Variants in PHACTR1 observed in about 807,000 individuals in gnomAD.
The protein encoded by PHACTR1 is phosphatase and actin regulator 1.
PHACTR1 carries 16 observed loss-of-function variants against 69.2 expected under a neutral mutation model. The ratio of observed to expected loss-of-function variants is 0.23; its 90% CI spans 0.16 to 0.35. The LOEUF (loss-of-function observed/expected upper bound fraction) is 0.35, where lower values mean the gene tolerates loss of function less well. Ranked by LOEUF, PHACTR1 falls within the 10% of genes least tolerant of loss-of-function variation. PHACTR1 has a pLI of 1.00. For missense variants in PHACTR1, 510 were observed against 734.7 expected (o/e 0.69, Z 3.54); for synonymous variants, 312 against 284.5 (o/e 1.10, Z -0.97).
intron 5 of PHACTR1, among the ~76,000 whole-genome samples, chr6:13,093,885 A>G (rs1202923799): frequency 3.9e-5 from 6 of 152,030 alleles, no homozygotes; most frequent in Admixed American, 2.0e-4. Context: ...TTTTCTTTTT[A>G]TTTTGAGACA....
intron 11 of PHACTR1, 88 bp downstream of exon 11, chr6:13,273,003 G>A (rs561421071): frequency 3.2e-6 from 5 of 1,550,540 alleles, no homozygotes; most frequent in South Asian, 1.2e-5. Context: ...TCTACCTTGC[G>A]CCTCTGCGGA....
chr6:12,736,509 G>C (rs1166461274), intron 3 of PHACTR1, among the ~76,000 whole-genome samples: 1 of 151,920 alleles, frequency 6.6e-6, no homozygotes, highest in Non-Finnish European at 1.5e-5. Context: ...TATCAATACT[G>C]TCCACAGTAT....
At chr6:12,893,930 G>A (rs147804641) in intron 4 of PHACTR1, among the ~76,000 whole-genome samples, 1 of 152,212 alleles carries the variant, frequency 6.6e-6, no homozygotes, top group African/African-American at 2.4e-5. Flanking sequence ...CTGAGCAGGG[G>A]CAAAGGAGAC....
At chr6:13,284,938 C>T (rs1257723409) in intron 13 of PHACTR1, among the ~76,000 whole-genome samples, 2 of 152,200 alleles carry the variant, frequency 1.3e-5, no homozygotes, top group African/African-American at 4.8e-5. Context: ...ACAGCATTCA[C>T]ATCTTCTCTG....
intron 6 of PHACTR1, among the ~76,000 whole-genome samples, chr6:13,172,473 G>GA (rs1760754021): frequency 6.6e-6 from 1 of 152,182 alleles, no homozygotes; most frequent in Non-Finnish European, 1.5e-5. Flanking sequence ...CCAGGAGGCT[G>GA]AAGGCAGGGG....
chr6:12,970,244 A>T (rs1431296186), intron 4 of PHACTR1, among the ~76,000 whole-genome samples: 1 of 152,106 alleles, frequency 6.6e-6, no homozygotes, highest in East Asian at 1.9e-4. Context: ...TTGAGACTAA[A>T]CTTCTCTTCC....
At chr6:13,053,231 C>T in intron 4 of PHACTR1, 134 bp from the exon 5 acceptor site, 1 of 1,023,648 alleles carries the variant, frequency 9.8e-7, no homozygotes, top group Non-Finnish European at 1.4e-6. Context: ...ACTTCCATTC[C>T]AAAAGGCAAA....
At chr6:13,091,420 A>C (rs138955961) in intron 5 of PHACTR1, among the ~76,000 whole-genome samples, 2 of 152,252 alleles carry the variant, frequency 1.3e-5, no homozygotes, top group East Asian at 3.9e-4. Flanking sequence ...GCTGTAGTTC[A>C]CTGAGTTTGT....
At chr6:12,845,437 C>A (rs991581336) in intron 4 of PHACTR1, among the ~76,000 whole-genome samples, 4 of 64,910 alleles carry the variant, frequency 6.2e-5, no homozygotes, top group African/African-American at 1.0e-4. Flanking sequence ...CCACCCCCCC[C>A]CCCCCCGCCC....
chr6:13,020,596 C>G (rs1007459193), intron 4 of PHACTR1, among the ~76,000 whole-genome samples: 3 of 152,080 alleles, frequency 2.0e-5, no homozygotes, highest in Non-Finnish European at 4.4e-5. Flanking sequence ...TGGCAGATAC[C>G]TGAAGGAAAG....
In PHACTR1 at chr6:13,064,106, C is replaced by A. The variant is rs548514246; in HGVS notation, c.415+10577C>A. 3.3e-5 allele frequency among the ~76,000 whole-genome samples: 5 copies of A among 152,276 alleles called. No individual in the cohort carries two copies. In the East Asian group the frequency reaches 9.7e-4, roughly 29 times the overall value. On this transcript the variant is annotated intron_variant, in intron 5 of 14. Coordinates refer to ENST00000332995, the MANE Select transcript of PHACTR1 (RefSeq NM_030948.6). ...TTAAGATGATACCTCATTCCTATCA[C>A]ATCAAATGGAATATTGTGTCCTTAT...
chr6:12,874,897 C>T (rs996610579), intron 4 of PHACTR1, among the ~76,000 whole-genome samples: 1 of 152,196 alleles, frequency 6.6e-6, no homozygotes, highest in East Asian at 1.9e-4. Flanking sequence ...AACGCCCTCA[C>T]CCCTCCTTTT....
intron 4 of PHACTR1, among the ~76,000 whole-genome samples, chr6:12,768,206 C>T (rs1476339460): frequency 3.3e-5 from 5 of 151,312 alleles, no homozygotes; most frequent in East Asian, 1.9e-4. Context: ...GCTCCGCCTC[C>T]GGGGTTCACA....
chr6:13,014,176 C>T (rs1267626808), intron 4 of PHACTR1, among the ~76,000 whole-genome samples: 2 of 152,082 alleles, frequency 1.3e-5, no homozygotes, highest in East Asian at 3.9e-4. Flanking sequence ...CGGCGGCGAG[C>T]GCGGGAGGCG....
chr6:12,915,594 T>C (rs1281003913), intron 4 of PHACTR1, among the ~76,000 whole-genome samples: 1 of 151,208 alleles, frequency 6.6e-6, no homozygotes, highest in African/African-American at 2.4e-5. Context: ...ATGGACATAG[T>C]AGAAGAGAAA....
intron 5 of PHACTR1, among the ~76,000 whole-genome samples, chr6:13,107,905 C>A (rs1050454964): frequency 2.2e-4 from 33 of 151,854 alleles, no homozygotes; most frequent in African/African-American, 8.0e-4. Context: ...GATTTCTAGT[C>A]TTTATTATTT....
chr6:12,805,622 A>G (rs1327644424), intron 4 of PHACTR1, among the ~76,000 whole-genome samples: 3 of 133,146 alleles, frequency 2.3e-5, no homozygotes, highest in African/African-American at 5.5e-5. Flanking sequence ...TTTTTTTTGG[A>G]TGGAGTCTTG....
intron 4 of PHACTR1, among the ~76,000 whole-genome samples, chr6:12,965,356 C>T (rs781622698): frequency 5.3e-5 from 8 of 151,472 alleles, no homozygotes; most frequent in African/African-American, 1.5e-4. Flanking sequence ...TGCAGAGCAG[C>T]GAAAATTTGA....
intron 10 of PHACTR1, among the ~76,000 whole-genome samples, chr6:13,252,065 A>AG (rs571765162): frequency 0.061 from 9,099 of 149,492 alleles, 550 homozygotes; most frequent in African/African-American, 0.15. Context: ...AAAAAAAAAA[A>AG]AAAGAAAGAA....
Sources: gnomAD v4.1 joint callset for allele counts (sites outside exome capture counted in the v4.1 genomes callset) on GRCh38, gnomAD v4.1.1 for gene constraint, MANE v1.5 for transcripts, NCBI Gene and HGNC (gene_info 2026-07-23, HGNC 2026-07-21) for gene names.